Variants in FHL2 observed in about 807,000 individuals in gnomAD.
FHL2 encodes four and a half LIM domains 2, also known as four and a half LIM domains protein 2.
A neutral mutation model predicts 32.7 loss-of-function variants in FHL2; 20 were observed. The ratio of observed to expected loss-of-function variants is 0.61; its 90% CI spans 0.43 to 0.89. The LOEUF is 0.89. Among genes scored for constraint, FHL2 ranks in the 40% least tolerant of loss-of-function variants. The pLI is 0.00. For missense variants in FHL2, 311 were observed against 358.6 expected, an observed-to-expected ratio of 0.87 and a Z score of 1.07; for synonymous variants, 123 against 128.1, an observed-to-expected ratio of 0.96 and a Z score of 0.27.
At chr2:105,429,304 A>G (rs1405841915) in intron 1 of FHL2, among the ~76,000 whole-genome samples, 1 of 152,234 alleles carries the variant, frequency 6.6e-6, no homozygotes, top group Non-Finnish European at 1.5e-5. Context: ...GAATTCCTGG[A>G]ACCCATGAAT....
intron 6 of FHL2, 58 bp downstream of exon 6, chr2:105,363,227 G>C (rs1446387861): frequency 6.4e-7 from 1 of 1,557,904 alleles, no homozygotes; most frequent in African/African-American, 1.3e-5. Flanking sequence ...AGGCTAAAAT[G>C]CTAGGCCTTG....
intron 2 of FHL2, among the ~76,000 whole-genome samples, chr2:105,388,214 G>C (rs558042772): frequency 6.6e-6 from 1 of 152,194 alleles, no homozygotes; most frequent in South Asian, 2.1e-4. Context: ...CCTGTGACAA[G>C]AGTTTACCTG....
At chr2:105,401,273 A>G (rs1683461681), upstream of FHL2, among the ~76,000 whole-genome samples, 1 of 152,162 alleles carries the variant, frequency 6.6e-6, no homozygotes. Flanking sequence ...GAACAGTGCC[A>G]AAATATTTCC....
chr2:105,413,144 G>T (rs1459741244), intron 1 of FHL2, among the ~76,000 whole-genome samples: 2 of 152,130 alleles, frequency 1.3e-5, no homozygotes, highest in African/African-American at 4.8e-5. Flanking sequence ...AAGCAAGGCA[G>T]CGATCAGTTT....
At chr2:105,410,893 T>A (rs1238708358) in intron 1 of FHL2, among the ~76,000 whole-genome samples, 1 of 152,174 alleles carries the variant, frequency 6.6e-6, no homozygotes, top group East Asian at 1.9e-4. Flanking sequence ...AAAATGGACT[T>A]AGTTATTTTA....
At chr2:105,387,936 T>A (rs1682441865) in intron 2 of FHL2, among the ~76,000 whole-genome samples, 1 of 152,148 alleles carries the variant, frequency 6.6e-6, no homozygotes, top group African/African-American at 2.4e-5. Context: ...CAAAAAAGAA[T>A]GAGATCATGT....
At position 105,393,193 on chromosome 2, in the gene FHL2, T is replaced by C. The variant is rs76374548; in HGVS notation, c.-25+3454A>G. On this transcript the variant is annotated intron_variant, in intron 2 of 6. Coordinates refer to ENST00000530340, the MANE Select transcript of FHL2 (RefSeq NM_001318895.3). The stretch of plus-strand genomic sequence containing the variant: ...CTTTTATTGACTACCTACTTTGATC[T>C]GACCCCAATGGGCCCATTTTCTCCT... Among the ~76,000 whole-genome samples, 822 of 152,260 alleles carry C rather than the reference T, an allele frequency of 5.4e-3. 13 individuals are homozygous for C. Among genetic ancestry groups the C allele is most frequent in the African/African-American group, 0.019 (789 of 41,540 alleles).
chr2:105,384,415 T>C (rs1682137632), intron 3 of FHL2, among the ~76,000 whole-genome samples: 2 of 152,184 alleles, frequency 1.3e-5, no homozygotes, highest in Non-Finnish European at 2.9e-5. Flanking sequence ...GAGCTTACCC[T>C]GTCAGCTGCT....
chr2:105,368,865 G>A (rs1243881971), intron 4 of FHL2, among the ~76,000 whole-genome samples: 1 of 152,218 alleles, frequency 6.6e-6, no homozygotes, highest in Non-Finnish European at 1.5e-5. Context: ...GTAAGTGCCC[G>A]GACTAGCTGA....
At chr2:105,370,037 CGGA>C (rs1361827013) in intron 4 of FHL2, among the ~76,000 whole-genome samples, 1 of 152,194 alleles carries the variant, frequency 6.6e-6, no homozygotes, top group Admixed American at 6.5e-5. Context: ...CTCCCGCAGG[CGGA>C]AGCGCAGTCT....
intron 1 of FHL2, among the ~76,000 whole-genome samples, chr2:105,398,614 G>C (rs977023939): frequency 1.3e-5 from 2 of 152,204 alleles, no homozygotes; most frequent in Non-Finnish European, 2.9e-5. Context: ...CTCCCTCTGG[G>C]GATGAGTCGG....
intron 3 of FHL2, among the ~76,000 whole-genome samples, chr2:105,383,035 G>A (rs947563259): frequency 2.6e-5 from 4 of 152,084 alleles, no homozygotes; most frequent in South Asian, 2.1e-4. Flanking sequence ...ACAGGTGCAC[G>A]CCACCACACC....
intron 1 of FHL2, among the ~76,000 whole-genome samples, chr2:105,422,863 G>C (rs1684146589): frequency 6.6e-6 from 1 of 152,090 alleles, no homozygotes; most frequent in Non-Finnish European, 1.5e-5. Context: ...ACTGTTTTTC[G>C]TTCTGACAGT....
At chr2:105,368,865 G>T (rs1243881971) in intron 4 of FHL2, among the ~76,000 whole-genome samples, 4 of 152,218 alleles carry the variant, frequency 2.6e-5, no homozygotes, top group Admixed American at 2.0e-4. Context: ...GTAAGTGCCC[G>T]GACTAGCTGA....
intron 4 of FHL2, among the ~76,000 whole-genome samples, chr2:105,369,213 G>A (rs1286677616): frequency 1.3e-5 from 2 of 152,208 alleles, no homozygotes; most frequent in African/African-American, 4.8e-5. Context: ...CAAGCCGACA[G>A]AGGGACTGCC....
At chr2:105,428,625 G>A (rs1684333784) in intron 1 of FHL2, among the ~76,000 whole-genome samples, 1 of 152,218 alleles carries the variant, frequency 6.6e-6, no homozygotes. Context: ...TTGGCTTCGT[G>A]TGGGTCAGCT....
chr2:105,416,314 G>A (rs1291376174), intron 1 of FHL2, among the ~76,000 whole-genome samples: 1 of 152,202 alleles, frequency 6.6e-6, no homozygotes, highest in Non-Finnish European at 1.5e-5. Flanking sequence ...CTTAATAGAA[G>A]ACAGCTGGAA....
At chr2:105,426,620 A>G (rs368015357) in intron 1 of FHL2, among the ~76,000 whole-genome samples, 39 of 152,308 alleles carry the variant, frequency 2.6e-4, no homozygotes, top group African/African-American at 9.1e-4. Flanking sequence ...AAATTACAGG[A>G]AGAGGCTAGA....
At chr2:105,413,408 G>C (rs887955259) in intron 1 of FHL2, among the ~76,000 whole-genome samples, 1 of 152,100 alleles carries the variant, frequency 6.6e-6, no homozygotes, top group African/African-American at 2.4e-5. Flanking sequence ...GCTCCCTGGA[G>C]CTATTCTAGC....
Sources: allele counts gnomAD v4.1 joint callset (sites outside exome capture counted in the v4.1 genomes callset), GRCh38; gene constraint gnomAD v4.1.1; transcripts MANE v1.5; gene names NCBI Gene and HGNC (gene_info 2026-07-23, HGNC 2026-07-21).